SHROOM4: variants seen among roughly 807,000 people sequenced by gnomAD.
SHROOM4 encodes shroom family member 4.
A neutral mutation model predicts 80.3 loss-of-function variants in SHROOM4; 17 were observed. That is an observed-to-expected ratio of 0.21 (90% confidence interval 0.14 to 0.32). SHROOM4 has a LOEUF of 0.32. SHROOM4 is among the 10% of genes least tolerant of loss of function. The pLI is 1.00. For synonymous variants in SHROOM4, 400 were observed against 437.5 expected (o/e 0.91, Z 1.07); for missense variants, 993 against 1,140.3 (o/e 0.87, Z 1.86).
chrX:50,794,647 T>TACAC (rs55726150), intron 1 of SHROOM4, among the ~76,000 whole-genome samples: 6,458 of 97,072 alleles, frequency 0.067, 509 homozygotes, highest in African/African-American at 0.21. Context: ...CACACACACA[T>TACAC]ACACACACAC....
chrX:50,721,733 T>C (rs1360937485), intron 1 of SHROOM4, among the ~76,000 whole-genome samples: 8 of 111,839 alleles, frequency 7.2e-5, no homozygotes, highest in South Asian at 3.8e-4. Flanking sequence ...CAAACACCTC[T>C]GACACAGTCA....
At chrX:50,712,640 G>A (rs782558541) in intron 1 of SHROOM4, among the ~76,000 whole-genome samples, 3 of 111,765 alleles carry the variant, frequency 2.7e-5, no homozygotes, top group Non-Finnish European at 5.6e-5. Flanking sequence ...ATTAAAGCTG[G>A]AGTGTGGTCT....
intron 1 of SHROOM4, among the ~76,000 whole-genome samples, chrX:50,742,921 A>ATT (rs2147579254): frequency 8.9e-6 from 1 of 112,187 alleles, no homozygotes; most frequent in East Asian, 2.8e-4. Context: ...TCTGCATAAA[A>ATT]TGTTTGTATG....
intron 5 of SHROOM4, among the ~76,000 whole-genome samples, chrX:50,612,747 GACA>G: frequency 1.8e-5 from 2 of 111,226 alleles, no homozygotes; most frequent in Admixed American, 1.9e-4. Flanking sequence ...TGATATAATT[GACA>G]ACATTAATAA....
chrX:50,739,017 A>G (rs1934576607), intron 1 of SHROOM4, among the ~76,000 whole-genome samples: 1 of 111,635 alleles, frequency 9.0e-6, no homozygotes, highest in African/African-American at 3.3e-5. Flanking sequence ...AGCCCTCAGA[A>G]ATAATACCAC....
At chrX:50,663,610 A>T (rs1039772506) in intron 2 of SHROOM4, among the ~76,000 whole-genome samples, 1 of 110,178 alleles carries the variant, frequency 9.1e-6, no homozygotes, top group Non-Finnish European at 1.9e-5. Flanking sequence ...TTTATCTCTC[A>T]CTGATCCCCT....
intron 1 of SHROOM4, among the ~76,000 whole-genome samples, chrX:50,723,424 CAG>C (rs1156521201): frequency 4.5e-5 from 3 of 67,205 alleles, no homozygotes; most frequent in African/African-American, 1.5e-4. Context: ...GAGAGAGAAA[CAG>C]AGGGAGAAAC....
intron 1 of SHROOM4, among the ~76,000 whole-genome samples, chrX:50,729,619 C>T (rs782432160): frequency 9.0e-6 from 1 of 110,744 alleles, no homozygotes; most frequent in Non-Finnish European, 1.9e-5. Context: ...ATGGACAAGG[C>T]TAACTTACAA....
chrX:50,807,049 A>T (rs2147744100), intron 1 of SHROOM4, among the ~76,000 whole-genome samples: 1 of 112,344 alleles, frequency 8.9e-6, no homozygotes, highest in Admixed American at 9.4e-5. Flanking sequence ...TCTGAATGTA[A>T]CCATTATAAA....
intron 2 of SHROOM4, among the ~76,000 whole-genome samples, chrX:50,666,728 G>T (rs1557260381): frequency 1.8e-5 from 2 of 111,620 alleles, no homozygotes; most frequent in African/African-American, 6.5e-5. Context: ...GGTACTTTAA[G>T]AAATATCTTT....
intron 1 of SHROOM4, among the ~76,000 whole-genome samples, chrX:50,811,252 A>T (rs1223727017): frequency 2.7e-5 from 3 of 110,873 alleles, no homozygotes; most frequent in Non-Finnish European, 5.7e-5. Context: ...GGATGCAGTG[A>T]GCCGAGCTGG....
chrX:50,692,325 C>T (rs1275888164), intron 2 of SHROOM4, among the ~76,000 whole-genome samples: 1 of 111,608 alleles, frequency 9.0e-6, no homozygotes, highest in African/African-American at 3.3e-5. Flanking sequence ...CCTAATGATT[C>T]CTTAGCACAT....
chrX:50,641,425 T>C (rs1471812788), intron 2 of SHROOM4, among the ~76,000 whole-genome samples: 1 of 111,906 alleles, frequency 8.9e-6, no homozygotes, highest in Non-Finnish European at 1.9e-5. Context: ...TCTCAAAGCA[T>C]CTGGGACACA....
chrX:50,638,025 G>C, intron 3 of SHROOM4, 149 bp downstream of exon 3: 1 of 681,908 alleles, frequency 1.5e-6, no homozygotes, highest in Admixed American at 2.9e-5. Flanking sequence ...CAAGAGACTA[G>C]CACTTGAACT....
At chrX:50,747,650 C>G (rs1934802737) in intron 1 of SHROOM4, among the ~76,000 whole-genome samples, 1 of 112,355 alleles carries the variant, frequency 8.9e-6, no homozygotes, top group South Asian at 3.7e-4. Context: ...ATGCCATCTT[C>G]CAGTTTGTGC....
chrX:50,751,439 C>CA (rs1208912086), intron 1 of SHROOM4, among the ~76,000 whole-genome samples: 59 of 111,802 alleles, frequency 5.3e-4, no homozygotes, highest in Non-Finnish European at 9.4e-4. Context: ...ATCACTAGGG[C>CA]AAAAAAATAT....
intron 1 of SHROOM4, among the ~76,000 whole-genome samples, chrX:50,762,942 A>C (rs1935192327): frequency 9.0e-6 from 1 of 111,074 alleles, no homozygotes; most frequent in African/African-American, 3.3e-5. Context: ...AACATTTTTC[A>C]TCATGTTTTG....
chrX:50,670,743 C>T (rs1203491514), intron 2 of SHROOM4, among the ~76,000 whole-genome samples: 5 of 111,879 alleles, frequency 4.5e-5, no homozygotes, highest in Non-Finnish European at 7.5e-5. Context: ...AAAAGCATTC[C>T]TATTTCTCCA....
intron 1 of SHROOM4, among the ~76,000 whole-genome samples, chrX:50,792,117 T>C (rs936243130): frequency 1.8e-5 from 2 of 111,942 alleles, no homozygotes; most frequent in Admixed American, 9.5e-5. Context: ...AATATGATAC[T>C]AAAAGCACAG....
Sources: allele counts gnomAD v4.1 joint callset (sites outside exome capture counted in the v4.1 genomes callset), GRCh38; gene constraint gnomAD v4.1.1; transcripts MANE v1.5; gene names NCBI Gene and HGNC (gene_info 2026-07-23, HGNC 2026-07-21).